The following BSDC1 variants were observed in gnomAD, a reference collection of about 807,000 sequenced individuals.
BSDC1 encodes BSD domain-containing protein 1.
Under a neutral mutation model 56.0 loss-of-function variants are expected in BSDC1, and 29 were observed. That is an observed-to-expected ratio of 0.52 (90% CI 0.39 to 0.71). The LOEUF (loss-of-function observed/expected upper bound fraction) is 0.71, where lower values mean the gene tolerates loss of function less well. BSDC1 is among the 30% of genes least tolerant of loss of function. The pLI is 0.00. For missense variants in BSDC1, 477 were observed against 548.5 expected (o/e 0.87, Z 1.30); for synonymous variants, 210 against 215.3 (o/e 0.98, Z 0.21).
At chr1:32,381,522 G>A (rs1642477221) in intron 4 of BSDC1, among the ~76,000 whole-genome samples, 1 of 152,170 alleles carries the variant, frequency 6.6e-6, no homozygotes, top group Non-Finnish European at 1.5e-5. Context: ...TACAGCATAA[G>A]CAGGCTACAA....
At position 32,378,837 on chromosome 1, in the gene BSDC1, G is replaced by A. The variant is rs1642386605; in HGVS notation, c.415C>T (p.Pro139Ser). 2.0e-6 allele frequency: 3 copies of A among 1,507,664 alleles called. No homozygotes were observed. Among genetic ancestry groups the A allele is most frequent in the Non-Finnish European group, 2.7e-6 (3 of 1,126,072 alleles). 93.4% of individuals were successfully genotyped at this position (1,507,664 alleles called of 1,614,324 possible). Residue 139 changes from proline (P) to serine (S), a missense_variant and splice_region_variant, in exon 6 of 11, where the codon CCC becomes TCC. Coordinates refer to ENST00000455895, the MANE Select transcript of BSDC1 (RefSeq NM_018045.8). The surrounding 1 kb of genome is among the most constrained non-coding windows in gnomAD (Gnocchi z 5.2). ...AGCCAGGCGTCAAACAATTCCGGGG[G>A]CCCTGCAGAGGGACAGATGCTGACG... ...PATYCNEPDGPPELFDAWLSQ... is the reference protein window; with the variant it reads ...PATYCNEPDGSPELFDAWLSQ...
At chr1:32,367,098 T>C (rs536765651) in intron 10 of BSDC1, 82 of 987,472 alleles carry the variant, frequency 8.3e-5, no homozygotes, top group Admixed American at 3.1e-4. Context: ...TTTGGGTGAA[T>C]GGAGGCCACT....
intron 5 of BSDC1, among the ~76,000 whole-genome samples, chr1:32,379,579 C>T (rs1477960869): frequency 6.6e-6 from 1 of 152,170 alleles, no homozygotes; most frequent in African/African-American, 2.4e-5. Flanking sequence ...CTCTGGATCA[C>T]ACTTCCTCAG....
chr1:32,387,246 C>A (rs1016525012), intron 2 of BSDC1, among the ~76,000 whole-genome samples: 2 of 151,994 alleles, frequency 1.3e-5, no homozygotes, highest in African/African-American at 4.8e-5. Context: ...GGGGCATAGT[C>A]TGAAAACAAT....
At position 32,386,824 on chromosome 1, in the gene BSDC1, G is replaced by A. The variant is rs2148137603; in HGVS notation, c.144C>T (p.Ala48=). The change falls in exon 3 of 11, where the codon GCC becomes GCT. Residue 48 remains alanine (A), a synonymous_variant. Coordinates refer to ENST00000455895, the MANE Select transcript of BSDC1 (RefSeq NM_018045.8). ...CGCTGGCCGTGGCTGCGATGGTACA[G>A]GCCGTGTCATGCTGCACCACCTGGG... The part of the protein sequence containing the change: ...EFTQVVQHDT[A]CTIAATASVV... The A allele has an allele frequency of 6.2e-7, 1 of 1,612,620 alleles. No individual in the cohort carries two copies.
At chr1:32,368,021 T>G in intron 10 of BSDC1, 1 of 1,176,282 alleles carries the variant, frequency 8.5e-7, no homozygotes, top group Non-Finnish European at 1.1e-6. Flanking sequence ...TGATGTCTGT[T>G]TTCTTTTTTC....
At chr1:32,392,074 G>C (rs1642884753) in intron 2 of BSDC1, among the ~76,000 whole-genome samples, 1 of 152,190 alleles carries the variant, frequency 6.6e-6, no homozygotes, top group South Asian at 2.1e-4. Flanking sequence ...GCTCACACCT[G>C]TAATCCTAGC....
At chr1:32,370,580 G>T (rs1184815080) in intron 9 of BSDC1, among the ~76,000 whole-genome samples, 1 of 151,842 alleles carries the variant, frequency 6.6e-6, no homozygotes, top group Non-Finnish European at 1.5e-5. Flanking sequence ...GAGACAGGTG[G>T]ATCACGAGGT....
Position 32,382,384 on chromosome 1 carries a change from A to C in BSDC1, c.358-1116T>G, listed in dbSNP as rs1415972468. Among the ~76,000 whole-genome samples the C allele has an allele frequency of 3.3e-5, 5 of 151,694 alleles. No homozygotes were observed. In the East Asian group the frequency reaches 5.8e-4, roughly 18 times the overall value. On this transcript the variant is annotated intron_variant, in intron 4 of 10. Coordinates refer to ENST00000455895, the MANE Select transcript of BSDC1 (RefSeq NM_018045.8). ...CTCAGGAGGCTGAGGTGGGAGGAGC[A>C]CCTTAGGAGATCGAGGCTGCCATGA...
Position 32,376,605 on chromosome 1 carries a change from TG to T in BSDC1, c.812del (p.Pro271GlnfsTer4). 2 of 1,483,876 alleles carry T rather than the reference TG, an allele frequency of 1.3e-6. No homozygotes were observed. Among genetic ancestry groups the T allele is most frequent in the Non-Finnish European group, 9.0e-7 (1 of 1,105,936 alleles). The allele number at this position is 1,483,876 out of a possible 1,614,324, so 91.9% of individuals were successfully genotyped here. On this transcript the variant is annotated frameshift_variant, in exon 9 of 11. Transcript: ENST00000455895. LOFTEE classifies it high-confidence loss of function. The stretch of plus-strand genomic sequence containing the variant: ...TGCTCTCTGATGGAGTCACCTCTGC[TG>T]GGGGCTCAACTGAAGTCACCAGATT... ...EENLVTSVEP[P>X]AEVTPSESSE...
rs369320327 is a variant in BSDC1 at position 32,376,216 on chromosome 1, G to A, written c.1156+46C>T. On this transcript the variant is annotated intron_variant, in intron 9 of 10. Transcript: ENST00000455895. ...AGGAGACAAATCTGCCTCAGGAGGTGGCCCTGACCGCACACAACCCTCTGG... is the reference window on the plus strand; with the variant it reads ...AGGAGACAAATCTGCCTCAGGAGGTAGCCCTGACCGCACACAACCCTCTGG... The A allele has an allele frequency of 2.5e-5, 36 of 1,411,880 alleles. No homozygotes were observed. The African/African-American group carries it at 4.7e-4, about 18-fold the overall frequency. The allele number at this position is 1,411,880 out of a possible 1,614,324, so 87.5% of individuals were successfully genotyped here. A position where few individuals can be genotyped will look rare whatever the true frequency, so the allele number is the denominator to read the frequency against.
In BSDC1 at chr1:32,376,303, G is replaced by A. The variant is rs756871320; in HGVS notation, c.1115C>T (p.Ser372Leu). ...PTDLRVFELN[S>L]DSGKSTPSNN... ...GGAGGGTGTAGACTTCCCACTATCC[G>A]AGTTCAGCTCAAACACCCGTAAGTC... is the stretch of plus-strand genomic sequence containing the variant. The change falls in exon 9 of 11, where the codon TCG becomes TTG. Residue 372 changes from serine (S) to leucine (L), a missense_variant. By Grantham distance (145) the Ser-to-Leu change is moderately radical. Transcript: ENST00000455895. 40 of 1,577,888 alleles carry A rather than the reference G, an allele frequency of 2.5e-5. No homozygotes were observed. Among genetic ancestry groups the A allele is most frequent in the East Asian group, 6.8e-5 (3 of 44,242 alleles).
At position 32,378,407 on chromosome 1, in the gene BSDC1, C is replaced by T. The variant is rs373518583; in HGVS notation, c.529-124G>A. The T allele has an allele frequency of 1.1e-4, 106 of 929,298 alleles. 1 individual carries two copies. The highest frequency in any genetic ancestry group is 7.7e-4 in the South Asian group (51 of 66,158). The allele number at this position is 929,298 out of a possible 1,614,324, so 57.6% of individuals were successfully genotyped here. A position where few individuals can be genotyped will look rare whatever the true frequency, so the allele number is the denominator to read the frequency against. ...GACCCAGTAAGTGGCTTAGCAGTGA[C>T]AGTCAGAGCACTTCCACCCCCACCA... On this transcript the variant is annotated intron_variant, in intron 6 of 10. Transcript: ENST00000455895. The surrounding 1 kb of genome is among the most constrained non-coding windows in gnomAD (Gnocchi z 5.2).
chr1:32,376,279 G>A lies in BSDC1; in HGVS notation c.1139C>T (p.Ser380Phe). 1 of 1,515,558 alleles carries A rather than the reference G, an allele frequency of 6.6e-7. No homozygotes were observed. The allele number at this position is 1,515,558 out of a possible 1,614,324, so 93.9% of individuals were successfully genotyped here. A position where few individuals can be genotyped will look rare whatever the true frequency, so the allele number is the denominator to read the frequency against. The stretch of plus-strand genomic sequence containing the variant: ...AGACCTACCTTTCTTTCCATTGTTG[G>A]AGGGTGTAGACTTCCCACTATCCGA... ...LNSDSGKSTP[S>F]NNGKKGSSTD... Residue 380 changes from serine to phenylalanine, a missense_variant, in exon 9 of 11, where the codon TCC (serine) becomes TTC (phenylalanine). By Grantham distance (155) the Ser-to-Phe change is radical. Transcript: ENST00000455895.
rs1642354100 is a variant in BSDC1 at position 32,377,992 on chromosome 1, C to A, written c.654G>T (p.Glu218Asp). ...KQRAEQSISE[E>D]PGWEEEEEEL... Reference sequence around the variant, plus strand: ...TACCTTCCTCCTCCTCCCAGCCGGGCTCTTCAGAGATGCTCTGTTCCGCCC... The same window carrying A: ...TACCTTCCTCCTCCTCCCAGCCGGGATCTTCAGAGATGCTCTGTTCCGCCC... Residue 218 changes from glutamate (E) to aspartate (D), a missense_variant, in exon 8 of 11, where the codon GAG becomes GAT. By Grantham distance (45) the Glu-to-Asp change is conservative. Transcript: ENST00000455895. 1.2e-6 allele frequency: 2 copies of A among 1,613,420 alleles called. No homozygotes were observed. Among genetic ancestry groups the A allele is most frequent in the East Asian group, 2.2e-5 (1 of 44,878 alleles).
intron 2 of BSDC1, 96 bp downstream of exon 2, chr1:32,393,982 CTT>C (rs1642958546): frequency 1.5e-6 from 2 of 1,292,510 alleles, no homozygotes; most frequent in Non-Finnish European, 2.2e-6. Context: ...ATCCTTGAGA[CTT>C]AGCGCCCGCA....
chr1:32,384,896 A>C (rs968347717), intron 3 of BSDC1, among the ~76,000 whole-genome samples: 1 of 152,230 alleles, frequency 6.6e-6, no homozygotes, highest in African/African-American at 2.4e-5. Flanking sequence ...AACAAGTGAT[A>C]TCTCTGCTAT....
intron 3 of BSDC1, 104 bp from the exon 4 acceptor site, chr1:32,384,101 C>A (rs2148133166): frequency 6.5e-7 from 1 of 1,528,096 alleles, no homozygotes; most frequent in East Asian, 2.3e-5. Flanking sequence ...TGTTGGGGGA[C>A]CAGGGAAGCG....
chr1:32,384,895 T>C (rs1383378457), intron 3 of BSDC1, among the ~76,000 whole-genome samples: 1 of 152,190 alleles, frequency 6.6e-6, no homozygotes, highest in Non-Finnish European at 1.5e-5. Flanking sequence ...AAACAAGTGA[T>C]ATCTCTGCTA....
Sources: gnomAD v4.1 joint callset for allele counts (sites outside exome capture counted in the v4.1 genomes callset) on GRCh38, gnomAD v4.1.1 for gene constraint, Gnocchi (gnomAD v3.1) non-coding constraint, MANE v1.5 for transcripts, NCBI Gene and HGNC (gene_info 2026-07-23, HGNC 2026-07-21) for gene names.